The following ANKRD36B variants were observed in gnomAD, a reference collection of about 807,000 sequenced individuals.
ANKRD36B encodes the protein ankyrin repeat domain-containing protein 36B.
In ANKRD36B, 37 loss-of-function variants were observed where a neutral mutation model predicts 135.7. That is an observed-to-expected ratio of 0.27 (90% CI 0.21 to 0.36). The LOEUF (loss-of-function observed/expected upper bound fraction) is 0.36, where lower values mean the gene tolerates loss of function less well. Ranked by LOEUF, ANKRD36B falls within the 10% of genes least tolerant of loss-of-function variation. The pLI, the probability that ANKRD36B is intolerant of heterozygous loss-of-function variation, is 1.00. For missense variants in ANKRD36B, 549 were observed against 1,037.1 expected, an observed-to-expected ratio of 0.53 and a Z score of 6.46; for synonymous variants, 179 against 348.1, an observed-to-expected ratio of 0.51 and a Z score of 5.41.
chr2:97,565,864 G>T (rs10181382), intron 6 of ANKRD36B, among the ~76,000 whole-genome samples: 7,740 of 146,998 alleles, frequency 0.053, 574 homozygotes, highest in African/African-American at 0.16. Context: ...ATATACTCGG[G>T]GTGTGTGTGT....
intron 14 of ANKRD36B, among the ~76,000 whole-genome samples, chr2:97,554,850 A>C (rs935491774): frequency 9.2e-5 from 14 of 151,850 alleles, no homozygotes; most frequent in African/African-American, 3.1e-4. Flanking sequence ...TCCCAATTTC[A>C]ATGTGGGGAA....
intron 43 of ANKRD36B, among the ~76,000 whole-genome samples, chr2:97,494,618 A>G (rs2077284323): frequency 9.5e-6 from 1 of 105,220 alleles, no homozygotes; most frequent in Admixed American, 8.5e-5. Flanking sequence ...GGAGGGTACA[A>G]ATTTGCAAAC....
Position 97,531,271 on chromosome 2 carries a change from T to C in ANKRD36B, c.2265+1040A>G, listed in dbSNP as rs1256231504. 4.6e-5 allele frequency among the ~76,000 whole-genome samples: 4 copies of C among 86,488 alleles called. 1 individual carries two copies. Among genetic ancestry groups the C allele is most frequent in the Admixed American group, 2.1e-4 (2 of 9,576 alleles). The allele number at this position is 86,488 out of a possible 152,430, so 56.7% of individuals were successfully genotyped here. ...GTCCTTTGTAGGGACATGGATGAAA[T>C]TGGAAATCATCATTCTCAGTAAACT... On this transcript the variant is annotated intron_variant, in intron 35 of 43. Transcript: ENST00000359901.
intron 12 of ANKRD36B, 34 bp from the exon 13 acceptor site, chr2:97,555,288 T>C: frequency 6.2e-7 from 1 of 1,609,552 alleles, no homozygotes; most frequent in Non-Finnish European, 8.5e-7. Flanking sequence ...ATCACTCATA[T>C]GTAAATATGA....
chr2:97,494,437 G>A lies in ANKRD36B; in HGVS notation c.*7-1582C>T, dbSNP rs1373445026. Reference sequence around the variant, plus strand: ...TGGCTAGAGAGGTAGGAAGAGAGGGGAGAGGTGCCACACTGTTTTAAACAA... The same window carrying A: ...TGGCTAGAGAGGTAGGAAGAGAGGGAAGAGGTGCCACACTGTTTTAAACAA... On this transcript the variant is annotated intron_variant, in intron 43 of 43. Coordinates refer to ENST00000359901, the MANE Select transcript of ANKRD36B (RefSeq NM_001393939.1). 2.2e-4 allele frequency among the ~76,000 whole-genome samples: 23 copies of A among 106,692 alleles called. 8 individuals carry two copies. The highest frequency in any genetic ancestry group is 4.5e-4 in the Non-Finnish European group (17 of 38,020). The allele number at this position is 106,692 out of a possible 152,430, so 70.0% of individuals were successfully genotyped here. A position where few individuals can be genotyped will look rare whatever the true frequency, so the allele number is the denominator to read the frequency against.
At chr2:97,545,090 T>C (rs1225289466) in intron 24 of ANKRD36B, among the ~76,000 whole-genome samples, 1 of 95,708 alleles carries the variant, frequency 1.0e-5, no homozygotes, top group Admixed American at 9.4e-5. Flanking sequence ...CAAAATCAAG[T>C]CTTCTTTTAT....
At chr2:97,546,671 GGAGT>G (rs1227086304) in intron 22 of ANKRD36B, among the ~76,000 whole-genome samples, 2 of 151,668 alleles carry the variant, frequency 1.3e-5, no homozygotes, top group Non-Finnish European at 1.5e-5. Flanking sequence ...TATAATTTTA[GGAGT>G]TAGTTAGAAT....
rs1293790817 is a variant in ANKRD36B at position 97,525,801 on chromosome 2, C to G, written c.2266-2334G>C. On this transcript the variant is annotated intron_variant, in intron 35 of 43. Coordinates refer to ENST00000359901, the MANE Select transcript of ANKRD36B (RefSeq NM_001393939.1). ...TATGCCCATTGAGTCTCACTGATTG[C>G]TAGCACAGCAGTCTGAGATCAAACT... Among the ~76,000 whole-genome samples the G allele has an allele frequency of 4.1e-5, 4 of 98,046 alleles. 2 individuals carry two copies. Among genetic ancestry groups the G allele is most frequent in the Non-Finnish European group, 1.1e-4 (4 of 36,668 alleles). The allele number at this position is 98,046 out of a possible 152,430, so 64.3% of individuals were successfully genotyped here.
At chr2:97,535,484 AAAACACACACAC>A (rs2078828777) in intron 34 of ANKRD36B, among the ~76,000 whole-genome samples, 1 of 67,424 alleles carries the variant, frequency 1.5e-5, no homozygotes, top group Non-Finnish European at 3.6e-5. Context: ...ACAAAAAAAT[AAAACACACACAC>A]ACACACACAC....
At chr2:97,530,907 C>A (rs2078544820) in intron 35 of ANKRD36B, among the ~76,000 whole-genome samples, 1 of 96,798 alleles carries the variant, frequency 1.0e-5, no homozygotes, top group Non-Finnish European at 2.7e-5. Context: ...CAGGAAACAA[C>A]AGATGCTGGA....
At chr2:97,546,664 A>G (rs1268054893) in intron 22 of ANKRD36B, among the ~76,000 whole-genome samples, 1 of 151,756 alleles carries the variant, frequency 6.6e-6, no homozygotes, top group East Asian at 1.9e-4. Context: ...TGAAAATTAT[A>G]ATTTTAGGAG....
At chr2:97,548,485 C>T (rs7592057) in intron 20 of ANKRD36B, among the ~76,000 whole-genome samples, 95,695 of 151,086 alleles carry the variant, frequency 0.63, 26,346 homozygotes, top group Non-Finnish European at 0.7. Context: ...GCATTAGATA[C>T]TGATCAGTTT....
In ANKRD36B at chr2:97,536,522, CAT is replaced by C. The variant is rs755210102; in HGVS notation, c.2090-28_2090-27del. On this transcript the variant is annotated intron_variant, in intron 32 of 43. Transcript: ENST00000359901. Reference sequence around the variant, plus strand: ...CTAACAAGCAAGAGAAATATATAATCATATGTAAATATGGTAAGGCCAACCAT... The same window carrying C: ...CTAACAAGCAAGAGAAATATATAATCATGTAAATATGGTAAGGCCAACCAT... 6 of 876,460 alleles carry C rather than the reference CAT, an allele frequency of 6.8e-6. 2 individuals are homozygous for C. In the South Asian group the frequency reaches 7.7e-5, roughly 11 times the overall value. 54.3% of individuals were successfully genotyped at this position (876,460 alleles called of 1,614,324 possible).
chr2:97,574,932 C>G (rs2082128624), intron 6 of ANKRD36B, among the ~76,000 whole-genome samples: 1 of 152,092 alleles, frequency 6.6e-6, no homozygotes, highest in Non-Finnish European at 1.5e-5. Context: ...TACGCAGGAT[C>G]TTGGTAGATT....
chr2:97,585,214 G>C (rs547816735), intron 2 of ANKRD36B, 70 bp downstream of exon 2: 1 of 1,556,842 alleles, frequency 6.4e-7, no homozygotes, highest in Non-Finnish European at 8.7e-7. Flanking sequence ...ATTCCAATGA[G>C]ATAAATTCAT....
At chr2:97,573,836 T>A (rs1471854190) in intron 6 of ANKRD36B, among the ~76,000 whole-genome samples, 1 of 152,170 alleles carries the variant, frequency 6.6e-6, no homozygotes, top group Non-Finnish European at 1.5e-5. Flanking sequence ...GCTAGCCATA[T>A]GTAGAAAGCT....
chr2:97,524,808 C>T (rs2078106022), intron 35 of ANKRD36B: 1 of 97,094 alleles, frequency 1.0e-5, no homozygotes, highest in African/African-American at 3.1e-5. Context: ...CCTAATTTGT[C>T]TTGTTTGATC....
chr2:97,574,741 C>T (rs2082115370), intron 6 of ANKRD36B, among the ~76,000 whole-genome samples: 1 of 152,146 alleles, frequency 6.6e-6, no homozygotes, highest in Non-Finnish European at 1.5e-5. Flanking sequence ...TCCAGAAGAA[C>T]TTATCAGGGA....
chr2:97,494,635 ACT>A (rs1174022762), intron 43 of ANKRD36B, among the ~76,000 whole-genome samples: 2 of 101,762 alleles, frequency 2.0e-5, no homozygotes, highest in African/African-American at 5.5e-5. Flanking sequence ...AAACAATATC[ACT>A]CTCTTTTTGT....
Sources: allele counts gnomAD v4.1 joint callset (sites outside exome capture counted in the v4.1 genomes callset), GRCh38; gene constraint gnomAD v4.1.1; transcripts MANE v1.5; gene names NCBI Gene and HGNC (gene_info 2026-07-23, HGNC 2026-07-21).